Variants in PPP1R14C observed in about 807,000 individuals in gnomAD.
PPP1R14C encodes the protein protein phosphatase 1 regulatory subunit 14C.
In PPP1R14C, 16 loss-of-function variants were observed where a neutral mutation model predicts 20.4. That is an observed-to-expected ratio of 0.78 (90% confidence interval 0.53 to 1.19). The LOEUF (loss-of-function observed/expected upper bound fraction) is 1.19. Among genes scored for constraint, PPP1R14C ranks in the 50% most tolerant of loss-of-function variants. The pLI, the probability that PPP1R14C is intolerant of heterozygous loss-of-function variation, is 0.00. For synonymous variants in PPP1R14C, 91 were observed against 91.0 expected (o/e 1.00, Z 0.00); for missense variants, 211 against 220.1 (o/e 0.96, Z 0.26).
chr6:150,143,511 G>C lies in PPP1R14C; in HGVS notation c.306+13G>C. 2 of 1,510,256 alleles carry C rather than the reference G, an allele frequency of 1.3e-6. No homozygotes were observed. Among genetic ancestry groups the C allele is most frequent in the Admixed American group, 1.9e-5 (1 of 52,216 alleles). 93.6% of individuals were successfully genotyped at this position (1,510,256 alleles called of 1,614,324 possible). A position where few individuals can be genotyped will look rare whatever the true frequency, so the allele number is the denominator to read the frequency against. ...CTACGGCTGCGAGGTACCTGGGCGCGGGGCTGGGAGGGTCGGGGACCTCTC... is the reference window on the plus strand; with the variant it reads ...CTACGGCTGCGAGGTACCTGGGCGCCGGGCTGGGAGGGTCGGGGACCTCTC... On this transcript the variant is annotated intron_variant, in intron 1 of 3. Transcript: ENST00000361131. The surrounding 1 kb of genome is among the most constrained non-coding windows in gnomAD (Gnocchi z 5.6).
intron 1 of PPP1R14C, among the ~76,000 whole-genome samples, chr6:150,175,917 T>C (rs1285942503): frequency 6.6e-6 from 1 of 152,210 alleles, no homozygotes; most frequent in Non-Finnish European, 1.5e-5. Flanking sequence ...CCAGTCTTCT[T>C]CAGCAGGCCC....
intron 1 of PPP1R14C, among the ~76,000 whole-genome samples, chr6:150,162,745 G>A (rs1777383770): frequency 6.6e-6 from 1 of 152,156 alleles, no homozygotes; most frequent in South Asian, 2.1e-4. Context: ...AGGTGCTTAG[G>A]ATACAACAGC....
intron 3 of PPP1R14C, among the ~76,000 whole-genome samples, chr6:150,232,144 A>G (rs920476517): frequency 1.3e-5 from 2 of 152,118 alleles, no homozygotes; most frequent in African/African-American, 2.4e-5. Context: ...TCATTGTTTC[A>G]ACAAAATTTT....
intron 1 of PPP1R14C, among the ~76,000 whole-genome samples, chr6:150,204,091 C>T (rs939423570): frequency 1.3e-4 from 20 of 152,238 alleles, no homozygotes; most frequent in African/African-American, 4.8e-4. Flanking sequence ...AGAGAGGCTG[C>T]TGTCGGCACA....
chr6:150,216,923 T>G, intron 3 of PPP1R14C, 67 bp downstream of exon 3: 1 of 1,331,012 alleles, frequency 7.5e-7, no homozygotes, highest in East Asian at 2.3e-5. Context: ...TTGTCTATTT[T>G]TAAAGCAAAC....
chr6:150,245,588 G>C (rs1385313572), intron 3 of PPP1R14C, among the ~76,000 whole-genome samples: 1 of 152,178 alleles, frequency 6.6e-6, no homozygotes, highest in African/African-American at 2.4e-5. Context: ...CTGTTAATTC[G>C]TCTTAACTCA....
chr6:150,215,854 C>G (rs983942756), intron 2 of PPP1R14C, among the ~76,000 whole-genome samples: 2 of 152,162 alleles, frequency 1.3e-5, no homozygotes, highest in African/African-American at 4.8e-5. Context: ...ACTTAAACCC[C>G]TTGCTTCCTG....
intron 1 of PPP1R14C, among the ~76,000 whole-genome samples, chr6:150,151,425 G>A (rs17079361): frequency 0.067 from 10,184 of 152,194 alleles, 483 homozygotes; most frequent in East Asian, 0.28. Context: ...TGCTCCTACA[G>A]CTCTGGAATA....
At chr6:150,209,619 G>A (rs1022655922) in intron 1 of PPP1R14C, among the ~76,000 whole-genome samples, 2 of 151,370 alleles carry the variant, frequency 1.3e-5, no homozygotes, top group Non-Finnish European at 2.9e-5. Flanking sequence ...TGAGTGGTGT[G>A]GAGTGTGTGT....
intron 3 of PPP1R14C, among the ~76,000 whole-genome samples, chr6:150,236,715 A>T (rs527287106): frequency 3.9e-4 from 59 of 152,006 alleles, no homozygotes; most frequent in African/African-American, 1.4e-3. Context: ...CAATTCTAGC[A>T]CTTCATGATG....
intron 1 of PPP1R14C, among the ~76,000 whole-genome samples, chr6:150,203,953 T>A (rs1197079214): frequency 1.3e-5 from 2 of 152,234 alleles, no homozygotes; most frequent in African/African-American, 4.8e-5. Flanking sequence ...TCCTTTATTC[T>A]TTCCCAGTCT....
rs554255391 is a variant in PPP1R14C at position 150,201,108 on chromosome 6, G to A, written c.307-13636G>A. 3.3e-5 allele frequency among the ~76,000 whole-genome samples: 5 copies of A among 152,324 alleles called. No homozygotes were observed. In the East Asian group the frequency reaches 9.6e-4, roughly 29 times the overall value. Reference sequence around the variant, plus strand: ...CTAAGGAAGCGATCGGCCCTATTGGGCAGGATACTCAGACATTCCATCTGT... The same window carrying A: ...CTAAGGAAGCGATCGGCCCTATTGGACAGGATACTCAGACATTCCATCTGT... On this transcript the variant is annotated intron_variant, in intron 1 of 3. Transcript: ENST00000361131. The surrounding 1 kb of genome is among the most constrained non-coding windows in gnomAD (Gnocchi z 4.2).
chr6:150,227,720 C>T (rs2114921457), intron 3 of PPP1R14C, among the ~76,000 whole-genome samples: 1 of 152,236 alleles, frequency 6.6e-6, no homozygotes, highest in South Asian at 2.1e-4. Context: ...ACGTTTAGAA[C>T]AATGTTTCTG....
chr6:150,207,493 C>G (rs1246522223), intron 1 of PPP1R14C, among the ~76,000 whole-genome samples: 1 of 152,230 alleles, frequency 6.6e-6, no homozygotes, highest in Non-Finnish European at 1.5e-5. Context: ...TCGTTCTTCA[C>G]TCCGGCATCC....
chr6:150,209,732 AGT>A (rs1285305065), intron 1 of PPP1R14C, among the ~76,000 whole-genome samples: 2 of 137,818 alleles, frequency 1.5e-5, no homozygotes, highest in East Asian at 2.2e-4. Context: ...AGTAGTGTGG[AGT>A]GTGTGTATTC....
At chr6:150,157,352 C>T (rs140101524) in intron 1 of PPP1R14C, among the ~76,000 whole-genome samples, 27 of 152,276 alleles carry the variant, frequency 1.8e-4, no homozygotes, top group Middle Eastern at 3.4e-3. Context: ...AACTCTAGCC[C>T]CACTTTACAA....
At chr6:150,165,843 T>A (rs1278652249) in intron 1 of PPP1R14C, among the ~76,000 whole-genome samples, 2 of 152,148 alleles carry the variant, frequency 1.3e-5, no homozygotes, top group Non-Finnish European at 2.9e-5. Flanking sequence ...GAGATGAAAA[T>A]AAATGTGAAG....
intron 1 of PPP1R14C, among the ~76,000 whole-genome samples, chr6:150,183,796 G>A (rs938480277): frequency 4.0e-5 from 6 of 151,868 alleles, no homozygotes; most frequent in South Asian, 2.1e-4. Context: ...GTGAGCCACC[G>A]TGCCCGGCCC....
At chr6:150,198,039 A>G (rs76165228) in intron 1 of PPP1R14C, among the ~76,000 whole-genome samples, 5,332 of 9,918 alleles carry the variant, frequency 0.54, 2,018 homozygotes, top group African/African-American at 0.73. Flanking sequence ...CTGGATGCCC[A>G]GCTTTGTGTG....
Sources: allele counts gnomAD v4.1 joint callset (sites outside exome capture counted in the v4.1 genomes callset), GRCh38; gene constraint gnomAD v4.1.1; non-coding constraint Gnocchi (gnomAD v3.1); transcripts MANE v1.5; gene names NCBI Gene and HGNC (gene_info 2026-07-23, HGNC 2026-07-21).